The following RIN3 variants were observed in gnomAD, a reference collection of about 807,000 sequenced individuals.
The protein encoded by RIN3 is RAB5 interacting protein 3.
A neutral mutation model predicts 76.3 loss-of-function variants in RIN3; 54 were observed. The ratio of observed to expected loss-of-function variants is 0.71; its 90% CI spans 0.57 to 0.89. The LOEUF (loss-of-function observed/expected upper bound fraction) is 0.89, where lower values mean the gene tolerates loss of function less well. Among genes scored for constraint, RIN3 ranks in the 40% least tolerant of loss-of-function variants. The probability of loss-of-function intolerance (pLI) is 0.00; values close to 1 mark genes in which losing one functional copy is unlikely to be tolerated. For synonymous variants in RIN3, 576 were observed against 564.0 expected, an observed-to-expected ratio of 1.02 and a Z score of -0.30; for missense variants, 1,256 against 1,322.1, an observed-to-expected ratio of 0.95 and a Z score of 0.78.
intron 7 of RIN3, among the ~76,000 whole-genome samples, chr14:92,672,470 A>G (rs1888316484): frequency 6.6e-6 from 1 of 152,212 alleles, no homozygotes; most frequent in Admixed American, 6.5e-5. Context: ...AGCAACCACT[A>G]GTCTCTGTTA....
At position 92,514,601 on chromosome 14, in the gene RIN3, G is replaced by A. The variant is rs1389069288; in HGVS notation, c.44+625G>A. 1.3e-5 allele frequency among the ~76,000 whole-genome samples: 2 copies of A among 152,256 alleles called. No homozygotes were observed. The highest frequency in any genetic ancestry group is 2.4e-5 in the African/African-American group (1 of 41,476). On this transcript the variant is annotated intron_variant, in intron 1 of 9. Transcript: ENST00000216487. This position sits in a 1 kb window ranked among gnomAD's most constrained non-coding sequence, Gnocchi z 7.2. ...CTGGTCGAGCCTAGTGCTTGGGTAG[G>A]GTCCAGGGCGCACGGGCTGCGCGCG...
rs146303606 is a variant in RIN3, at chr14:92,662,694, C to T, written c.2335+3225C>T. ...AAGTCAGAGCCAAGGGTTTTACAGACGCTGAGACATGATGAGGGAGACAGC... is the reference window on the plus strand; with the variant it reads ...AAGTCAGAGCCAAGGGTTTTACAGATGCTGAGACATGATGAGGGAGACAGC... On this transcript the variant is annotated intron_variant, in intron 7 of 9. Coordinates refer to ENST00000216487, the MANE Select transcript of RIN3 (RefSeq NM_024832.5). 1.2e-3 allele frequency among the ~76,000 whole-genome samples: 188 copies of T among 152,294 alleles called. 1 individual carries two copies. The East Asian group carries it at 0.014, about 11-fold the overall frequency.
chr14:92,641,103 C>G, intron 4 of RIN3, 135 bp from the exon 5 acceptor site: 1 of 677,542 alleles, frequency 1.5e-6, no homozygotes. Context: ...GAGTCTGCCC[C>G]TCAGCTCCAG....
intron 7 of RIN3, among the ~76,000 whole-genome samples, chr14:92,664,160 C>T (rs936937965): frequency 6.6e-6 from 1 of 152,126 alleles, no homozygotes; most frequent in African/African-American, 2.4e-5. Flanking sequence ...CAGCTCCACC[C>T]CAGACAACGC....
intron 1 of RIN3, among the ~76,000 whole-genome samples, chr14:92,536,325 C>A (rs758389038): frequency 3.5e-4 from 53 of 152,218 alleles, no homozygotes; most frequent in Non-Finnish European, 8.8e-5. Flanking sequence ...ACGCCATGGA[C>A]AAGATCTGTC....
intron 3 of RIN3, among the ~76,000 whole-genome samples, chr14:92,604,996 A>G (rs1468581914): frequency 7.8e-5 from 10 of 127,732 alleles, no homozygotes; most frequent in Non-Finnish European, 1.4e-4. Context: ...TGCAACTTCC[A>G]CCTCCTAGGC....
At chr14:92,521,470 A>C (rs1002254771) in intron 1 of RIN3, among the ~76,000 whole-genome samples, 1 of 152,192 alleles carries the variant, frequency 6.6e-6, no homozygotes, top group African/African-American at 2.4e-5. Flanking sequence ...GGGCAGATCC[A>C]TCATGAATGA....
rs112374851 is a variant in RIN3 at position 92,549,331 on chromosome 14, C to T, written c.45-6420C>T. Among the ~76,000 whole-genome samples the T allele has an allele frequency of 1.5e-3, 231 of 152,282 alleles. 1 individual carries two copies. Among genetic ancestry groups the T allele is most frequent in the African/African-American group, 5.3e-3 (219 of 41,560 alleles). The stretch of plus-strand genomic sequence containing the variant: ...TATACAGGAAGGCCTCGGTTCCCAC[C>T]GTGAGGCTGCATTGGAACTCTCTGA... On this transcript the variant is annotated intron_variant, in intron 1 of 9. Coordinates refer to ENST00000216487, the MANE Select transcript of RIN3 (RefSeq NM_024832.5).
intron 4 of RIN3, among the ~76,000 whole-genome samples, chr14:92,639,258 C>T (rs964098119): frequency 6.6e-6 from 1 of 152,200 alleles, no homozygotes. Context: ...GTAGCTCTGG[C>T]CGAGGCCATG....
Position 92,615,626 on chromosome 14 carries a change from G to T in RIN3, c.440+147G>T. ...AGAGAGAGGGCACAGGCCCCTCTGG[G>T]AACCACAGAGGATGTGTTGGCTCTG... On this transcript the variant is annotated intron_variant, in intron 4 of 9. Coordinates refer to ENST00000216487, the MANE Select transcript of RIN3 (RefSeq NM_024832.5). 7.3e-6 allele frequency: 5 copies of T among 688,430 alleles called. No homozygotes were observed. In the South Asian group the frequency reaches 8.2e-5, roughly 11 times the overall value. The allele number at this position is 688,430 out of a possible 1,614,324, so 42.6% of individuals were successfully genotyped here. A position where few individuals can be genotyped will look rare whatever the true frequency, so the allele number is the denominator to read the frequency against.
At chr14:92,626,800 C>T (rs1454050167) in intron 4 of RIN3, among the ~76,000 whole-genome samples, 2 of 151,976 alleles carry the variant, frequency 1.3e-5, no homozygotes, top group African/African-American at 4.8e-5. Context: ...AGTTGGGATC[C>T]CTCTGCCTAG....
chr14:92,641,511 C>T (rs1257171172), intron 5 of RIN3, among the ~76,000 whole-genome samples, 182 bp downstream of exon 5: 3 of 152,196 alleles, frequency 2.0e-5, no homozygotes, highest in East Asian at 3.9e-4. Flanking sequence ...TCTAAAGAGT[C>T]GCCTCTATCA....
intron 4 of RIN3, among the ~76,000 whole-genome samples, chr14:92,634,856 T>TAAAAAAAA (rs11383121): frequency 7.7e-6 from 1 of 130,292 alleles, no homozygotes. Context: ...AGACTCTATC[T>TAAAAAAAA]AAAAAAAAAA....
At position 92,652,484 on chromosome 14, in the gene RIN3, G is replaced by A; in HGVS notation, c.1435G>A (p.Glu479Lys). 1.2e-6 allele frequency: 2 copies of A among 1,613,968 alleles called. No individual in the cohort carries two copies. Among genetic ancestry groups the A allele is most frequent in the African/African-American group, 1.3e-5 (1 of 74,956 alleles). The change falls in exon 6 of 10, where the codon GAG (glutamate) becomes AAG (lysine). Residue 479 changes from glutamate to lysine, a missense_variant. Coordinates refer to ENST00000216487, the MANE Select transcript of RIN3 (RefSeq NM_024832.5). The surrounding 1 kb of genome is among the most constrained non-coding windows in gnomAD (Gnocchi z 6.4). Reference protein sequence around the residue: ...QLASTLPAPLENAELCTQAMA... With the variant: ...QLASTLPAPLKNAELCTQAMA... Reference sequence around the variant, plus strand: ...GGCCTCGACCCTCCCAGCTCCCTTAGAGAACGCTGAGCTCTGCACACAGGC... The same window carrying A: ...GGCCTCGACCCTCCCAGCTCCCTTAAAGAACGCTGAGCTCTGCACACAGGC...
At chr14:92,564,782 CA>C (rs1409104985) in intron 2 of RIN3, among the ~76,000 whole-genome samples, 3 of 152,150 alleles carry the variant, frequency 2.0e-5, no homozygotes, top group African/African-American at 7.2e-5. Context: ...GTCCCTAATG[CA>C]ATGCAGTGAG....
chr14:92,538,262 C>A (rs1456688122), intron 1 of RIN3, among the ~76,000 whole-genome samples: 1 of 152,240 alleles, frequency 6.6e-6, no homozygotes, highest in African/African-American at 2.4e-5. Flanking sequence ...AGCCACCATG[C>A]CTGGCCCTTA....
chr14:92,584,334 T>C (rs1884686552), intron 3 of RIN3, among the ~76,000 whole-genome samples: 1 of 152,184 alleles, frequency 6.6e-6, no homozygotes, highest in South Asian at 2.1e-4. Flanking sequence ...TCCATGACTG[T>C]TTCCCAAAGG....
chr14:92,599,932 T>C (rs931431580), intron 3 of RIN3, among the ~76,000 whole-genome samples: 1 of 152,196 alleles, frequency 6.6e-6, no homozygotes, highest in Non-Finnish European at 1.5e-5. Flanking sequence ...CTTTGAGCCC[T>C]GACCCCAGGC....
chr14:92,687,155 C>T (rs1889736000), intron 9 of RIN3: 1 of 152,308 alleles, frequency 6.6e-6, no homozygotes. Context: ...CCAGCGCCTG[C>T]TCGCCCATTT....
Sources: allele counts gnomAD v4.1 joint callset (sites outside exome capture counted in the v4.1 genomes callset), GRCh38; gene constraint gnomAD v4.1.1; non-coding constraint Gnocchi (gnomAD v3.1); transcripts MANE v1.5; gene names NCBI Gene and HGNC (gene_info 2026-07-23, HGNC 2026-07-21).